The following LRRC8A variants were observed in gnomAD, a reference collection of about 807,000 sequenced individuals.
LRRC8A encodes leucine rich repeat containing 8 VRAC subunit A.
A neutral mutation model predicts 52.5 loss-of-function variants in LRRC8A; 24 were observed. The observed-to-expected ratio is 0.46, with a 90% CI of 0.33 to 0.64. The LOEUF is 0.64. LRRC8A is among the 30% of genes least tolerant of loss of function. The probability of loss-of-function intolerance (pLI) is 0.02; values close to 1 mark genes in which losing one functional copy is unlikely to be tolerated. For missense variants in LRRC8A, 677 were observed against 1,094.7 expected, an observed-to-expected ratio of 0.62 and a Z score of 5.38; for synonymous variants, 492 against 494.2, an observed-to-expected ratio of 1.00 and a Z score of 0.06.
At chr9:128,894,425 A>C (rs1477428966) in intron 2 of LRRC8A, among the ~76,000 whole-genome samples, 1 of 151,592 alleles carries the variant, frequency 6.6e-6, no homozygotes, top group African/African-American at 2.4e-5. Context: ...CAGAGCTTGC[A>C]GTGAGCAGAG....
intron 2 of LRRC8A, among the ~76,000 whole-genome samples, chr9:128,886,992 G>C (rs1442954962): frequency 2.0e-5 from 3 of 152,168 alleles, no homozygotes; most frequent in Non-Finnish European, 4.4e-5. Context: ...GGAATCCTGG[G>C]CCAGGGTCTT....
chr9:128,906,416 G>A (rs986003923), intron 2 of LRRC8A, among the ~76,000 whole-genome samples: 2 of 130,180 alleles, frequency 1.5e-5, no homozygotes, highest in African/African-American at 5.8e-5. Context: ...TCCACCTCCC[G>A]GGTTCAAGTG....
chr9:128,895,383 A>G (rs1179426998), intron 2 of LRRC8A, among the ~76,000 whole-genome samples: 1 of 152,214 alleles, frequency 6.6e-6, no homozygotes, highest in African/African-American at 2.4e-5. Flanking sequence ...GTAAAAGCAG[A>G]GGCTTAGGCT....
intron 2 of LRRC8A, among the ~76,000 whole-genome samples, chr9:128,896,105 G>T (rs1425100103): frequency 6.6e-6 from 1 of 152,154 alleles, no homozygotes; most frequent in African/African-American, 2.4e-5. Flanking sequence ...TCTTGGTTTG[G>T]AGACTTTCCA....
At chr9:128,904,141 A>G (rs934688761) in intron 2 of LRRC8A, among the ~76,000 whole-genome samples, 15 of 152,208 alleles carry the variant, frequency 9.9e-5, no homozygotes, top group Admixed American at 9.2e-4. Flanking sequence ...AGACAGACAC[A>G]TTTGACACAG....
chr9:128,906,102 C>T (rs1357513153), intron 2 of LRRC8A, among the ~76,000 whole-genome samples: 1 of 152,188 alleles, frequency 6.6e-6, no homozygotes, highest in African/African-American at 2.4e-5. Flanking sequence ...CGAGTGTTCC[C>T]AGAATCTTGT....
intron 2 of LRRC8A, among the ~76,000 whole-genome samples, chr9:128,897,499 C>T (rs1316649799): frequency 6.6e-6 from 1 of 152,008 alleles, no homozygotes; most frequent in Non-Finnish European, 1.5e-5. Flanking sequence ...TGAGCCACAG[C>T]ACACGGCCTG....
chr9:128,888,632 G>C (rs530577490), intron 2 of LRRC8A, among the ~76,000 whole-genome samples: 5 of 152,150 alleles, frequency 3.3e-5, no homozygotes, highest in Non-Finnish European at 7.4e-5. Flanking sequence ...CTGACCTCAG[G>C]AAGGGTTTGG....
chr9:128,914,786 T>G (rs1202915311), intron 3 of LRRC8A, among the ~76,000 whole-genome samples: 1 of 152,224 alleles, frequency 6.6e-6, no homozygotes, highest in Non-Finnish European at 1.5e-5. Flanking sequence ...ATGGCCTTAC[T>G]TACACGCAGT....
chr9:128,916,406 G>A lies in LRRC8A; in HGVS notation c.*35G>A, dbSNP rs561749062. On this transcript the variant is annotated 3_prime_UTR_variant, in exon 4 of 4. Transcript: ENST00000372600. This position sits in a 1 kb window ranked among gnomAD's most constrained non-coding sequence, Gnocchi z 6.1. ...GCCCAGCACAGCAAGCAGCAGGACC[G>A]CTGCCCAGTCCTCAGGCCCGGAGGG... is the stretch of plus-strand genomic sequence containing the variant. The A allele has an allele frequency of 2.0e-5, 31 of 1,585,718 alleles. No individual in the cohort carries two copies. Among genetic ancestry groups the A allele is most frequent in the African/African-American group, 1.2e-4 (9 of 74,602 alleles).
intron 1 of LRRC8A, among the ~76,000 whole-genome samples, chr9:128,884,024 T>A (rs944314031): frequency 1.3e-5 from 2 of 151,582 alleles, no homozygotes; most frequent in Admixed American, 6.6e-5. Flanking sequence ...TGTTCATGAC[T>A]TCCCCCCAGA....
Position 128,907,656 on chromosome 9 carries a change from C to T in LRRC8A, c.492C>T (p.Phe164=), listed in dbSNP as rs776640722. The change falls in exon 3 of 4, where the codon TTC becomes TTT. Residue 164 remains phenylalanine, a synonymous_variant. Coordinates refer to ENST00000372600, the MANE Select transcript of LRRC8A (RefSeq NM_019594.4). The surrounding 1 kb of genome is among the most constrained non-coding windows in gnomAD (Gnocchi z 9.3). ...EHFVSILLKC[F]DSPWTTRALS... is the part of the protein sequence containing the mutation. Reference sequence around the variant, plus strand: ...TTGTGTCTATCCTGCTGAAGTGCTTCGACTCGCCCTGGACCACGAGGGCCC... The same window carrying T: ...TTGTGTCTATCCTGCTGAAGTGCTTTGACTCGCCCTGGACCACGAGGGCCC... 3.0e-5 allele frequency: 49 copies of T among 1,613,918 alleles called. No homozygotes were observed. The highest frequency in any genetic ancestry group is 4.0e-5 in the African/African-American group (3 of 74,920).
intron 2 of LRRC8A, among the ~76,000 whole-genome samples, chr9:128,888,013 G>GC (rs1371359586): frequency 6.6e-6 from 1 of 152,094 alleles, no homozygotes; most frequent in African/African-American, 2.4e-5. Flanking sequence ...ACACCCTTGA[G>GC]CCCCCCTGGC....
At chr9:128,900,397 T>G (rs1173871633) in intron 2 of LRRC8A, among the ~76,000 whole-genome samples, 1 of 152,218 alleles carries the variant, frequency 6.6e-6, no homozygotes, top group Non-Finnish European at 1.5e-5. Flanking sequence ...TGCGCCCCAC[T>G]CTGCACAAAG....
chr9:128,885,926 A>C (rs547013174), intron 1 of LRRC8A, 89 bp from the exon 2 acceptor site: 2 of 152,246 alleles, frequency 1.3e-5, no homozygotes, highest in East Asian at 1.9e-4. Flanking sequence ...CCTGCTACCA[A>C]GCAGGCTCTC....
rs560033775 is a variant in LRRC8A, at chr9:128,911,060, G to A, written c.2157+1739G>A. 2.6e-5 allele frequency among the ~76,000 whole-genome samples: 4 copies of A among 152,206 alleles called. No individual in the cohort carries two copies. Among genetic ancestry groups the A allele is most frequent in the South Asian group, 2.1e-4 (1 of 4,820 alleles). On this transcript the variant is annotated intron_variant, in intron 3 of 3. Coordinates refer to ENST00000372600, the MANE Select transcript of LRRC8A (RefSeq NM_019594.4). The surrounding 1 kb of genome is among the most constrained non-coding windows in gnomAD (Gnocchi z 4.9). ...GTCTGTCTATAGCATCCTCAGGCAC[G>A]GAGGGAGGTGGCCCCTGGAATGCCC...
At chr9:128,882,289 CCT>C (rs1839070927) in intron 1 of LRRC8A, 39 bp downstream of exon 1, 1 of 154,744 alleles carries the variant, frequency 6.5e-6, no homozygotes, top group Non-Finnish European at 1.4e-5. Context: ...CGAGCTGTCA[CCT>C]CTCGAAACCC....
Position 128,892,983 on chromosome 9 carries a change from A to C in LRRC8A, c.-9+6862A>C, listed in dbSNP as rs1839684175. Among the ~76,000 whole-genome samples the C allele has an allele frequency of 6.6e-6, 1 of 152,124 alleles. No individual in the cohort carries two copies. The highest frequency in any genetic ancestry group is 2.4e-5 in the African/African-American group (1 of 41,430). ...CCGCCCAGGTGTGGGAGCCACGCCAAATCCCTGTGGGCCCACATGGGGTCT... is the reference window on the plus strand; with the variant it reads ...CCGCCCAGGTGTGGGAGCCACGCCACATCCCTGTGGGCCCACATGGGGTCT... On this transcript the variant is annotated intron_variant, in intron 2 of 3. Coordinates refer to ENST00000372600, the MANE Select transcript of LRRC8A (RefSeq NM_019594.4). This position sits in a 1 kb window ranked among gnomAD's most constrained non-coding sequence, Gnocchi z 5.2.
rs1564533414 is a variant in LRRC8A at position 128,916,263 on chromosome 9, GT to G, written c.2326del (p.Cys776AlafsTer23). The G allele has an allele frequency of 6.2e-7, 1 of 1,613,852 alleles. No homozygotes were observed. Among genetic ancestry groups the G allele is most frequent in the Non-Finnish European group, 8.5e-7 (1 of 1,179,960 alleles). On this transcript the variant is annotated frameshift_variant, in exon 4 of 4. Transcript: ENST00000372600. LOFTEE classifies it high-confidence loss of function. This position sits in a 1 kb window ranked among gnomAD's most constrained non-coding sequence, Gnocchi z 6.1. Reference protein sequence around the residue: ...LECLPVELGECPLLKRSGLVV... With the variant: ...LECLPVELGEXPLLKRSGLVV... Reference sequence around the variant, plus strand: ...AGTGCCTGCCTGTGGAGCTGGGCGAGTGCCCACTGCTCAAGCGCAGCGGCTT... The same window carrying G: ...AGTGCCTGCCTGTGGAGCTGGGCGAGGCCCACTGCTCAAGCGCAGCGGCTT...
Sources: gnomAD v4.1 joint callset for allele counts (sites outside exome capture counted in the v4.1 genomes callset) on GRCh38, gnomAD v4.1.1 for gene constraint, Gnocchi (gnomAD v3.1) non-coding constraint, MANE v1.5 for transcripts, NCBI Gene and HGNC (gene_info 2026-07-23, HGNC 2026-07-21) for gene names.